The following GNE variants were observed in gnomAD, a reference collection of about 807,000 sequenced individuals.
GNE encodes the protein glucosamine (UDP-N-acetyl)-2-epimerase/N-acetylmannosamine kinase.
In GNE, 41 loss-of-function variants were observed where a neutral mutation model predicts 61.8. The ratio of observed to expected loss-of-function variants is 0.66; its 90% confidence interval spans 0.52 to 0.86. GNE has a LOEUF of 0.86. GNE is among the 40% of genes least tolerant of loss of function. GNE has a pLI of 0.00. For missense variants in GNE, 608 were observed against 909.1 expected, an observed-to-expected ratio of 0.67 and a Z score of 4.26; for synonymous variants, 264 against 326.4, an observed-to-expected ratio of 0.81 and a Z score of 2.06.
intron 7 of GNE, 128 bp downstream of exon 7, chr9:36,227,120 A>AAT: frequency 1.4e-6 from 1 of 710,778 alleles, no homozygotes; most frequent in Non-Finnish European, 2.6e-6. Context: ...TCCACAAGTC[A>AAT]ATACTATCAG....
At chr9:36,259,788 G>A (rs1225054524), upstream of GNE, among the ~76,000 whole-genome samples, 1 of 152,124 alleles carries the variant, frequency 6.6e-6, no homozygotes, top group Non-Finnish European at 1.5e-5. Flanking sequence ...AGCCTCCCGA[G>A]TAGCTGGGAT....
chr9:36,217,219 G>A lies in GNE; in HGVS notation c.*146C>T, dbSNP rs1828355764. ...AGTGGGGAAAGGTGACTCTGGAAGA[G>A]GAGACCAAAAGTGAAAACATTTCTC... On this transcript the variant is annotated 3_prime_UTR_variant, in exon 12 of 12. Coordinates refer to ENST00000642385, the MANE Select transcript of GNE (RefSeq NM_005476.7). The A allele has an allele frequency of 1.4e-6, 1 of 696,114 alleles. No individual in the cohort carries two copies. 43.1% of individuals were successfully genotyped at this position (696,114 alleles called of 1,614,324 possible).
chr9:36,236,733 A>G lies in GNE; in HGVS notation c.769+99T>C, dbSNP rs550632307. On this transcript the variant is annotated intron_variant, in intron 4 of 11. Transcript: ENST00000642385. Reference sequence around the variant, plus strand: ...GCATTTCAGAATAGAGTGCCCTTCAATGATAAGATGAGCAAGATAGGAAGG... The same window carrying G: ...GCATTTCAGAATAGAGTGCCCTTCAGTGATAAGATGAGCAAGATAGGAAGG... 2.6e-4 allele frequency: 274 copies of G among 1,037,870 alleles called. 2 individuals are homozygous for G. In the South Asian group the frequency reaches 3.3e-3, roughly 13 times the overall value. 64.3% of individuals were successfully genotyped at this position (1,037,870 alleles called of 1,614,324 possible). A position where few individuals can be genotyped will look rare whatever the true frequency, so the allele number is the denominator to read the frequency against.
At chr9:36,221,157 C>T (rs1828569987) in intron 9 of GNE, among the ~76,000 whole-genome samples, 1 of 152,090 alleles carries the variant, frequency 6.6e-6, no homozygotes, top group Admixed American at 6.6e-5. Flanking sequence ...CTTGTCTCTA[C>T]TAAAAATACA....
chr9:36,240,647 AG>A (rs1829597150), intron 3 of GNE, among the ~76,000 whole-genome samples: 1 of 152,090 alleles, frequency 6.6e-6, no homozygotes, highest in Admixed American at 6.6e-5. Context: ...TTTTGGTATT[AG>A]GGTCATGGGG....
At chr9:36,259,027 G>A (rs1050288949), upstream of GNE, among the ~76,000 whole-genome samples, 1 of 152,172 alleles carries the variant, frequency 6.6e-6, no homozygotes, top group Non-Finnish European at 1.5e-5. Flanking sequence ...GGACATCCAG[G>A]GAGAAACGTG....
chr9:36,265,627 A>C (rs1179382786), intron 1 of GNE: 3 of 348,148 alleles, frequency 8.6e-6, no homozygotes, highest in Non-Finnish European at 1.8e-5. Context: ...TAATTACCAG[A>C]GTCTCTAGGG....
Position 36,219,949 on chromosome 9 carries a change from G to A in GNE, c.1705C>T (p.His569Tyr), listed in dbSNP as rs1192552968. The change falls in exon 10 of 12, where the codon CAC (histidine) becomes TAC (tyrosine). Residue 569 changes from histidine to tyrosine, a missense_variant. By Grantham distance (83) the His-to-Tyr change is moderately conservative (BLOSUM62 2). Coordinates refer to ENST00000642385, the MANE Select transcript of GNE (RefSeq NM_005476.7). Reference sequence around the variant, plus strand: ...GGCCCATCCAGAGACACAACAAGGTGGCCCAGTTCTGCAGCACAGAAGGAG... The same window carrying A: ...GGCCCATCCAGAGACACAACAAGGTAGCCCAGTTCTGCAGCACAGAAGGAG... ...GSSFCAAELG[H>Y]LVVSLDGPDC... is the part of the protein sequence containing the mutation. 1 of 1,614,082 alleles carries A rather than the reference G, an allele frequency of 6.2e-7. No individual in the cohort carries two copies.
At chr9:36,238,657 A>G (rs1384201689) in intron 3 of GNE, among the ~76,000 whole-genome samples, 1 of 152,122 alleles carries the variant, frequency 6.6e-6, no homozygotes, top group African/African-American at 2.4e-5. Flanking sequence ...TGTCAGATGT[A>G]TAGATTGTGA....
chr9:36,266,842 G>A (rs1300317011), intron 1 of GNE, among the ~76,000 whole-genome samples: 1 of 152,012 alleles, frequency 6.6e-6, no homozygotes, highest in Non-Finnish European at 1.5e-5. Context: ...CCGGGAGGCG[G>A]AGCTTGCAGT....
upstream of GNE, among the ~76,000 whole-genome samples, chr9:36,259,829 T>G (rs1476008394): frequency 1.3e-5 from 2 of 152,010 alleles, no homozygotes; most frequent in Admixed American, 6.6e-5. Context: ...CCCGGCTAAT[T>G]TTTGTATTTT....
intron 9 of GNE, among the ~76,000 whole-genome samples, chr9:36,221,078 T>A (rs1828563276): frequency 6.6e-6 from 1 of 152,212 alleles, no homozygotes. Flanking sequence ...CCCAGCACTT[T>A]GGGAGGCTGA....
At chr9:36,231,229 C>T (rs181240705) in intron 5 of GNE, among the ~76,000 whole-genome samples, 18 of 152,168 alleles carry the variant, frequency 1.2e-4, no homozygotes, top group Admixed American at 1.2e-3. Context: ...TTTGTGAGGC[C>T]AAGGTAGGAA....
In GNE at chr9:36,219,946, G is replaced by C. The variant is rs746919372; in HGVS notation, c.1708C>G (p.Leu570Val). ...SSFCAAELGH[L>V]VVSLDGPDCS... is the part of the protein sequence containing the mutation. ...TCAGGCCCATCCAGAGACACAACAA[G>C]GTGGCCCAGTTCTGCAGCACAGAAG... The change falls in exon 10 of 12, where the codon CTT (leucine) becomes GTT (valine). Residue 570 changes from leucine to valine, a missense_variant. Transcript: ENST00000642385. 9 of 1,613,980 alleles carry C rather than the reference G, an allele frequency of 5.6e-6. No homozygotes were observed. In the African/African-American group the frequency reaches 1.1e-4, roughly 19 times the overall value.
chr9:36,265,799 G>A (rs975061291), intron 1 of GNE, among the ~76,000 whole-genome samples: 4 of 152,168 alleles, frequency 2.6e-5, no homozygotes, highest in Admixed American at 2.6e-4. Flanking sequence ...CCTAGCATGC[G>A]CCGTTCACAA....
rs773641452 is a variant in GNE at position 36,234,081 on chromosome 9, G to A, written c.821C>T (p.Pro274Leu). 1.9e-6 allele frequency: 3 copies of A among 1,614,010 alleles called. No individual in the cohort carries two copies. The South Asian group carries it at 3.3e-5, about 18-fold the overall frequency. The change falls in exon 5 of 12, where the codon CCC becomes CTC. Residue 274 changes from proline (P) to leucine (L), a missense_variant. Coordinates refer to ENST00000642385, the MANE Select transcript of GNE (RefSeq NM_005476.7). ...GACGTGTTTAACTGCACGAAAGTTG[G>A]GATGATGCTCAATGCCCTTCTTCCG... The part of the protein sequence containing the change: ...VMRKKGIEHH[P>L]NFRAVKHVPF...
At position 36,223,376 on chromosome 9, in the gene GNE, C is replaced by G. The variant is rs749320547; in HGVS notation, c.1408G>C (p.Val470Leu). 5 of 1,612,708 alleles carry G rather than the reference C, an allele frequency of 3.1e-6. No homozygotes were observed. The Admixed American group carries it at 8.3e-5, about 27-fold the overall frequency. Residue 470 changes from valine to leucine, a missense_variant, in exon 8 of 12, where the codon GTA becomes CTA. Physicochemically the swap from Val to Leu is conservative, Grantham distance 32. Transcript: ENST00000642385. ...AVKLNCRILG[V>L]GISTGGRVNP... ...GATTTATAATTTACAATCTTACCTA[C>G]TCCCAAAATTCTGCAGTTCAGTTTT...
intron 9 of GNE, among the ~76,000 whole-genome samples, chr9:36,221,182 G>A (rs1162345169): frequency 1.3e-5 from 2 of 152,190 alleles, no homozygotes; most frequent in Non-Finnish European, 2.9e-5. Flanking sequence ...TTAGCCGGGT[G>A]TGGTGGCACA....
In GNE at chr9:36,216,326, G is replaced by GGTGTGTGTGTGTGTGTGTGTGTGT. The variant is rs1563923938; in HGVS notation, c.*1038_*1039insACACACACACACACACACACACAC. 1.0e-5 allele frequency: 2 copies of GGTGTGTGTGTGTGTGTGTGTGTGT among 196,400 alleles called. No homozygotes were observed. Among genetic ancestry groups the GGTGTGTGTGTGTGTGTGTGTGTGT allele is most frequent in the African/African-American group, 1.3e-4 (1 of 7,752 alleles). The allele number at this position is 196,400 out of a possible 1,614,324, so 12.2% of individuals were successfully genotyped here. ...CTTAGTTTGGGGTTAGAGGAGGAAG[G>GGTGTGTGTGTGTGTGTGTGTGTGT]ATGTGTGTGTGTGTGTGTGTGTGTG... On this transcript the variant is annotated 3_prime_UTR_variant, in exon 12 of 12. Coordinates refer to ENST00000642385, the MANE Select transcript of GNE (RefSeq NM_005476.7).
Sources: gnomAD v4.1 joint callset for allele counts (sites outside exome capture counted in the v4.1 genomes callset) on GRCh38, gnomAD v4.1.1 for gene constraint, MANE v1.5 for transcripts, NCBI Gene and HGNC (gene_info 2026-07-23, HGNC 2026-07-21) for gene names.